SYNE2: variants seen among roughly 807,000 people sequenced by gnomAD.
SYNE2 encodes the protein spectrin repeat containing nuclear envelope protein 2, also known as nesprin-2.
A neutral mutation model predicts 856.3 loss-of-function variants in SYNE2; 431 were observed. That is an observed-to-expected ratio of 0.50 (90% CI 0.47 to 0.55). SYNE2 has a LOEUF of 0.55. Ranked by LOEUF, SYNE2 falls within the 20% of genes least tolerant of loss-of-function variation. The pLI, the probability that SYNE2 is intolerant of heterozygous loss-of-function variation, is 0.00. For missense variants in SYNE2, 8,129 were observed against 8,023.2 expected, an observed-to-expected ratio of 1.01 and a Z score of -0.50; for synonymous variants, 2,923 against 2,872.3, an observed-to-expected ratio of 1.02 and a Z score of -0.56.
chr14:63,815,101 TCCACACATATATCCATATATATCCAC>T (rs1566584958), intron 1 of SYNE2, among the ~76,000 whole-genome samples: 3 of 127,260 alleles, frequency 2.4e-5, no homozygotes, highest in African/African-American at 8.9e-5. Flanking sequence ...CACATATATA[TCCACACATATATCCATATATATCCAC>T]ATATATATCC....
rs747119845 is a variant in SYNE2 at position 64,224,997 on chromosome 14, A to C, written c.20470-2A>C. On this transcript the variant is annotated splice_acceptor_variant, in intron 114 of 115. Coordinates refer to ENST00000555002, the MANE Select transcript of SYNE2 (RefSeq NM_182914.3). LOFTEE classifies it high-confidence loss of function. Reference sequence around the variant, plus strand: ...ACTAACTGGAGTTTCTTTACCCAGCAGTTCAGAGCAGTGAGAACTACAGAA... The same window carrying C: ...ACTAACTGGAGTTTCTTTACCCAGCCGTTCAGAGCAGTGAGAACTACAGAA... 6.2e-7 allele frequency: 1 copy of C among 1,613,810 alleles called. No homozygotes were observed. Among genetic ancestry groups the C allele is most frequent in the South Asian group, 1.1e-5 (1 of 91,058 alleles).
chr14:63,971,222 C>T (rs2096472702), intron 11 of SYNE2, among the ~76,000 whole-genome samples: 1 of 151,842 alleles, frequency 6.6e-6, no homozygotes, highest in Non-Finnish European at 1.5e-5. Context: ...GTCAATCCTC[C>T]CACCTCAGCT....
At chr14:63,776,237 G>A (rs766850543) in intron 1 of SYNE2, among the ~76,000 whole-genome samples, 1 of 152,076 alleles carries the variant, frequency 6.6e-6, no homozygotes, top group Admixed American at 6.6e-5. Context: ...ACAATCTTTT[G>A]CAAATATGTC....
chr14:63,971,417 T>C (rs1409873611), intron 11 of SYNE2, among the ~76,000 whole-genome samples: 1 of 152,086 alleles, frequency 6.6e-6, no homozygotes, highest in Non-Finnish European at 1.5e-5. Context: ...CACCCACCCT[T>C]AGAGTTGTAC....
chr14:64,110,704 AAAAC>A (rs1159732284), intron 65 of SYNE2, among the ~76,000 whole-genome samples: 1 of 151,440 alleles, frequency 6.6e-6, no homozygotes, highest in African/African-American at 2.4e-5. Context: ...TACTGTGTAA[AAAAC>A]AAGGGAACTC....
chr14:64,136,567 G>A (rs2098091639), intron 78 of SYNE2, among the ~76,000 whole-genome samples: 1 of 152,184 alleles, frequency 6.6e-6, no homozygotes, highest in Non-Finnish European at 1.5e-5. Flanking sequence ...TTAAACAGGT[G>A]TCAGGATAAA....
At chr14:63,999,105 C>A in intron 27 of SYNE2, 65 bp downstream of exon 27, 2 of 1,485,994 alleles carry the variant, frequency 1.3e-6, no homozygotes, top group South Asian at 2.3e-5. Flanking sequence ...CACTGTGAGT[C>A]TGGACATCCC....
chr14:64,002,829 A>G lies in SYNE2; in HGVS notation c.3896A>G (p.Asn1299Ser), dbSNP rs754533243. The G allele has an allele frequency of 6.2e-7, 1 of 1,614,222 alleles. No homozygotes were observed. Among genetic ancestry groups the G allele is most frequent in the South Asian group, 1.1e-5 (1 of 91,086 alleles). ...LHPFDLHAMQ[N>S]IILKYKTQFE... ...CCATTTGATCTACACGCAATGCAGAATATTATACTGAAATACAAAACACAA... is the reference window on the plus strand; with the variant it reads ...CCATTTGATCTACACGCAATGCAGAGTATTATACTGAAATACAAAACACAA... Residue 1299 changes from asparagine to serine, a missense_variant, in exon 30 of 116, where the codon AAT becomes AGT. Transcript: ENST00000555002.
At chr14:63,951,546 G>T (rs1231601027) in intron 7 of SYNE2, among the ~76,000 whole-genome samples, 1 of 152,104 alleles carries the variant, frequency 6.6e-6, no homozygotes, top group Non-Finnish European at 1.5e-5. Flanking sequence ...CAGGTGATCT[G>T]CCCACCTCGG....
intron 1 of SYNE2, among the ~76,000 whole-genome samples, chr14:63,795,248 T>C (rs1887878459): frequency 6.6e-6 from 1 of 152,060 alleles, no homozygotes; most frequent in African/African-American, 2.4e-5. Context: ...TTAATCTGGG[T>C]GGGCACCATC....
chr14:63,974,814 G>A (rs9652356), intron 11 of SYNE2, among the ~76,000 whole-genome samples: 2 of 63,518 alleles, frequency 3.1e-5, no homozygotes, highest in Admixed American at 1.5e-4. Flanking sequence ...GTGTATATAT[G>A]TATATACATA....
intron 114 of SYNE2, 69 bp downstream of exon 114, chr14:64,224,616 T>C (rs2098710035): frequency 1.3e-6 from 2 of 1,573,626 alleles, no homozygotes; most frequent in Non-Finnish European, 8.7e-7. Context: ...TGAGGGAAGC[T>C]TGGGATTCCA....
At chr14:63,828,848 A>G (rs1451672763) in intron 1 of SYNE2, among the ~76,000 whole-genome samples, 1 of 152,190 alleles carries the variant, frequency 6.6e-6, no homozygotes, top group African/African-American at 2.4e-5. Context: ...GCATTTTGGT[A>G]TCATCGTGTG....
At chr14:63,817,700 T>G (rs1889050186) in intron 1 of SYNE2, among the ~76,000 whole-genome samples, 4 of 152,120 alleles carry the variant, frequency 2.6e-5, no homozygotes, top group Admixed American at 2.0e-4. Context: ...AAAAAGCATG[T>G]AACAAAGTCC....
In SYNE2 at chr14:63,976,623, G is replaced by A. The variant is rs766562177; in HGVS notation, c.1189G>A (p.Ala397Thr). ...ALPPPLHQTEAWLQEVEELMD... is the reference protein window; with the variant it reads ...ALPPPLHQTETWLQEVEELMD... ...GCCCCCACCCCTCCATCAAACTGAA[G>A]CTTGGCTCCAGGAGGTAGAAGAGCT... The change falls in exon 12 of 116, where the codon GCT becomes ACT. Residue 397 changes from alanine to threonine, a missense_variant. Around this residue, in one of 3 missense-constraint regions of SYNE2, gnomAD observed 2,422 missense variants for 2,357.4 expected, o/e 1.03. Coordinates refer to ENST00000555002, the MANE Select transcript of SYNE2 (RefSeq NM_182914.3). 1 of 1,603,468 alleles carries A rather than the reference G, an allele frequency of 6.2e-7. No homozygotes were observed. The highest frequency in any genetic ancestry group is 1.1e-5 in the South Asian group (1 of 90,778).
At chr14:64,138,912 T>TTTTGTG (rs1555505884) in intron 79 of SYNE2, among the ~76,000 whole-genome samples, 11 of 144,310 alleles carry the variant, frequency 7.6e-5, no homozygotes, top group African/African-American at 2.6e-4. Context: ...CAAATGCTGG[T>TTTTGTG]TGTGTGTGTG....
intron 49 of SYNE2, among the ~76,000 whole-genome samples, chr14:64,060,302 T>C (rs2097306535): frequency 6.6e-6 from 1 of 152,104 alleles, no homozygotes. Flanking sequence ...GCCCACAGTG[T>C]GTACTACCTG....
At chr14:63,963,102 T>C (rs2096343460) in intron 9 of SYNE2, among the ~76,000 whole-genome samples, 1 of 152,226 alleles carries the variant, frequency 6.6e-6, no homozygotes. Flanking sequence ...CCTGTGTTTT[T>C]CCAGCTGTTA....
intron 1 of SYNE2, among the ~76,000 whole-genome samples, chr14:63,874,363 CCTGCCCT>C (rs994649432): frequency 2.0e-5 from 3 of 152,162 alleles, no homozygotes; most frequent in Non-Finnish European, 4.4e-5. Context: ...GCTCTCCCTG[CCTGCCCT>C]CTGCTCCACT....
Sources: allele counts gnomAD v4.1 joint callset (sites outside exome capture counted in the v4.1 genomes callset), GRCh38; gene constraint gnomAD v4.1.1; regional missense constraint gnomAD v4.1.1; transcripts MANE v1.5; gene names NCBI Gene and HGNC (gene_info 2026-07-23, HGNC 2026-07-21).